TCF12: variants seen among roughly 807,000 people sequenced by gnomAD.
The protein encoded by TCF12 is DNA-binding protein HTF4.
A neutral mutation model predicts 86.0 loss-of-function variants in TCF12; 45 were observed. The observed-to-expected ratio is 0.52, with a 90% confidence interval of 0.41 to 0.67. The LOEUF is 0.67. Ranked by LOEUF, TCF12 falls within the 30% of genes least tolerant of loss-of-function variation. The probability of loss-of-function intolerance (pLI) is 0.00; values close to 1 mark genes in which losing one functional copy is unlikely to be tolerated. For synonymous variants in TCF12, 330 were observed against 299.6 expected, an observed-to-expected ratio of 1.10 and a Z score of -1.05; for missense variants, 881 against 859.9, an observed-to-expected ratio of 1.02 and a Z score of -0.31.
intron 6 of TCF12, among the ~76,000 whole-genome samples, chr15:57,171,157 A>G (rs1225059121): frequency 5.9e-5 from 9 of 152,000 alleles, no homozygotes; most frequent in African/African-American, 2.2e-4. Flanking sequence ...GAACAAGGCT[A>G]CTAGAATGTT....
intron 13 of TCF12, chr15:57,247,392 A>G (rs1418846426): frequency 6.0e-6 from 4 of 664,776 alleles, no homozygotes; most frequent in Admixed American, 4.2e-5. Flanking sequence ...TAAAATTGCC[A>G]GATCTACCTC....
chr15:57,089,121 C>G (rs1221406753), intron 4 of TCF12, among the ~76,000 whole-genome samples: 2 of 152,180 alleles, frequency 1.3e-5, no homozygotes, highest in Non-Finnish European at 2.9e-5. Context: ...CTCTATTTGT[C>G]CCTTCTCCCA....
chr15:56,959,519 T>G (rs371951847), intron 3 of TCF12, among the ~76,000 whole-genome samples: 41 of 152,352 alleles, frequency 2.7e-4, no homozygotes, highest in African/African-American at 9.6e-4. Flanking sequence ...GTTGAGGTGC[T>G]AGGAATGTTG....
At chr15:57,148,804 AG>A (rs1428299235) in intron 5 of TCF12, among the ~76,000 whole-genome samples, 2 of 151,578 alleles carry the variant, frequency 1.3e-5, no homozygotes, top group Non-Finnish European at 2.9e-5. Context: ...TTGAGCCTGG[AG>A]GTAGAGGTTG....
At chr15:57,148,063 T>C (rs1461981356) in intron 5 of TCF12, among the ~76,000 whole-genome samples, 3 of 151,796 alleles carry the variant, frequency 2.0e-5, no homozygotes, top group African/African-American at 4.8e-5. Flanking sequence ...TTATTATTAT[T>C]TGTAGAGACA....
At chr15:56,941,836 G>C (rs868446095) in intron 3 of TCF12, among the ~76,000 whole-genome samples, 3 of 152,022 alleles carry the variant, frequency 2.0e-5, no homozygotes, top group Admixed American at 6.5e-5. Context: ...CTGGAGGTAT[G>C]ATCTCTGATA....
chr15:57,183,988 C>T (rs1482617945), intron 6 of TCF12, among the ~76,000 whole-genome samples: 1 of 152,080 alleles, frequency 6.6e-6, no homozygotes, highest in Non-Finnish European at 1.5e-5. Flanking sequence ...TCTCTCAGCC[C>T]TTATTATGAC....
intron 3 of TCF12, 80 bp downstream of exon 3, chr15:56,921,178 T>A: frequency 9.8e-7 from 1 of 1,015,896 alleles, no homozygotes; most frequent in Non-Finnish European, 1.4e-6. Flanking sequence ...GCATAACATT[T>A]AAATATTATT....
intron 3 of TCF12, among the ~76,000 whole-genome samples, chr15:57,023,162 C>T (rs1205925921): frequency 6.6e-6 from 1 of 152,106 alleles, no homozygotes; most frequent in African/African-American, 2.4e-5. Context: ...CCAGTTTTTA[C>T]CTCAAGCAGA....
intron 3 of TCF12, among the ~76,000 whole-genome samples, chr15:56,981,246 A>G (rs2062875104): frequency 6.6e-6 from 1 of 152,236 alleles, no homozygotes; most frequent in Admixed American, 6.5e-5. Context: ...ACAGAAATGT[A>G]TTCTTTCACA....
intron 4 of TCF12, among the ~76,000 whole-genome samples, chr15:57,067,652 G>C (rs550104022): frequency 4.0e-4 from 61 of 151,598 alleles, no homozygotes; most frequent in African/African-American, 1.4e-3. Context: ...GCATGTTTGA[G>C]ACACCCAGAG....
intron 12 of TCF12, 143 bp from the exon 13 acceptor site, chr15:57,243,327 AAC>A: frequency 1.7e-6 from 1 of 585,540 alleles, no homozygotes; most frequent in Non-Finnish European, 3.0e-6. Context: ...TGTATGATGA[AAC>A]AGTCTAAAAC....
At chr15:57,090,494 C>T (rs1453400834) in intron 4 of TCF12, among the ~76,000 whole-genome samples, 5 of 152,190 alleles carry the variant, frequency 3.3e-5, no homozygotes, top group Admixed American at 3.3e-4. Context: ...AGTGTTAAAA[C>T]AGAACAGCAG....
intron 3 of TCF12, among the ~76,000 whole-genome samples, chr15:56,938,581 G>C (rs570073393): frequency 6.6e-6 from 1 of 151,120 alleles, no homozygotes; most frequent in Non-Finnish European, 1.5e-5. Context: ...GAATAGGATT[G>C]GTACTAATTC....
intron 3 of TCF12, among the ~76,000 whole-genome samples, chr15:56,960,982 A>G (rs2061723384): frequency 2.0e-5 from 3 of 151,886 alleles, no homozygotes; most frequent in Admixed American, 6.6e-5. Context: ...TCTACTACAG[A>G]TGCAAAAATT....
intron 12 of TCF12, among the ~76,000 whole-genome samples, chr15:57,239,168 A>AC (rs1225510990): frequency 6.6e-6 from 1 of 150,650 alleles, no homozygotes; most frequent in African/African-American, 2.5e-5. Context: ...CCTGACCAAC[A>AC]CGGAGAAACC....
intron 8 of TCF12, among the ~76,000 whole-genome samples, chr15:57,223,512 T>C (rs954375612): frequency 6.6e-6 from 1 of 151,942 alleles, no homozygotes; most frequent in African/African-American, 2.4e-5. Context: ...TCAAGCAAAT[T>C]TTTGTCAACT....
At chr15:56,930,379 A>G (rs1018618441) in intron 3 of TCF12, among the ~76,000 whole-genome samples, 1 of 152,220 alleles carries the variant, frequency 6.6e-6, no homozygotes, top group Admixed American at 6.5e-5. Context: ...ACTTGTGCCA[A>G]GGGTAAGAAT....
intron 3 of TCF12, among the ~76,000 whole-genome samples, chr15:56,991,980 C>T (rs1283697870): frequency 2.6e-5 from 4 of 151,856 alleles, no homozygotes; most frequent in African/African-American, 9.7e-5. Flanking sequence ...CTATGCCAGG[C>T]ACAGTAGCTC....
Sources: gnomAD v4.1 joint callset for allele counts (sites outside exome capture counted in the v4.1 genomes callset) on GRCh38, gnomAD v4.1.1 for gene constraint, MANE v1.5 for transcripts, NCBI Gene and HGNC (gene_info 2026-07-23, HGNC 2026-07-21) for gene names.